Variants in RP2 observed in about 807,000 individuals in gnomAD.
The protein encoded by RP2 is protein XRP2.
Under a neutral mutation model 20.3 loss-of-function variants are expected in RP2, and 3 were observed. The observed-to-expected ratio is 0.15, with a 90% CI of 0.07 to 0.38. RP2 has a LOEUF of 0.38. RP2 is among the 10% of genes least tolerant of loss of function. The pLI is 1.00. For synonymous variants in RP2, 75 were observed against 94.8 expected (o/e 0.79, Z 1.22); for missense variants, 233 against 268.5 (o/e 0.87, Z 0.92).
At chrX:46,848,090 C>T (rs1283810529) in intron 1 of RP2, among the ~76,000 whole-genome samples, 2 of 107,225 alleles carry the variant, frequency 1.9e-5, no homozygotes, top group African/African-American at 6.8e-5. Flanking sequence ...TTATAGAGCA[C>T]TTAGTATGGT....
intron 1 of RP2, among the ~76,000 whole-genome samples, chrX:46,843,303 G>A (rs1924658967): frequency 9.0e-6 from 1 of 111,496 alleles, no homozygotes; most frequent in Non-Finnish European, 1.9e-5. Flanking sequence ...CACCGCGACT[G>A]GCCTATGTTT....
Position 46,837,123 on chromosome X carries a change from G to A in RP2, c.23G>A (p.Arg8Lys). The A allele has an allele frequency of 8.6e-7, 1 of 1,169,586 alleles. No individual in the cohort carries two copies. The highest frequency in any genetic ancestry group is 1.1e-6 in the Non-Finnish European group (1 of 873,905). Residue 8 changes from arginine (R) to lysine (K), a missense_variant, in exon 1 of 5, where the codon AGA becomes AAA. Arg to Lys is a conservative substitution (Grantham distance 26). Transcript: ENST00000218340. MGCFFSK[R>K]RKADKESRPE... The stretch of plus-strand genomic sequence containing the variant: ...ACCATGGGCTGCTTCTTCTCCAAGA[G>A]ACGGAAGGCTGACAAGGAGTCGCGG...
chrX:46,856,900 CTTATATA>C (rs781788559), intron 2 of RP2, among the ~76,000 whole-genome samples: 93 of 111,901 alleles, frequency 8.3e-4, no homozygotes, highest in Middle Eastern at 4.6e-3. Flanking sequence ...AGACAAAAGA[CTTATATA>C]TTATATTGAG....
chrX:46,855,551 T>C (rs1353220966), intron 2 of RP2, among the ~76,000 whole-genome samples: 1 of 110,805 alleles, frequency 9.0e-6, no homozygotes, highest in Non-Finnish European at 1.9e-5. Flanking sequence ...CACTGCAACC[T>C]CTGCCTCCCG....
At position 46,880,482 on chromosome X, in the gene RP2, TCTG is replaced by T. The variant is rs1286722953; in HGVS notation, c.*716_*718del. 8.9e-6 allele frequency: 1 copy of T among 111,890 alleles called. No individual in the cohort carries two copies. The highest frequency in any genetic ancestry group is 1.9e-5 in the Non-Finnish European group (1 of 53,100). 9.2% of individuals were successfully genotyped at this position (111,890 alleles called of 1,213,427 possible). A position where few individuals can be genotyped will look rare whatever the true frequency, so the allele number is the denominator to read the frequency against. On this transcript the variant is annotated 3_prime_UTR_variant, in exon 5 of 5. Transcript: ENST00000218340. ...TTTAATACAACTGCTATATGACTCT[TCTG>T]CTTCCTGATAAGAAAAGGTATATGC... is the stretch of plus-strand genomic sequence containing the variant.
chrX:46,844,192 ATTATAC>A (rs1569531167), intron 1 of RP2, among the ~76,000 whole-genome samples: 1 of 111,657 alleles, frequency 9.0e-6, no homozygotes, highest in African/African-American at 3.3e-5. Flanking sequence ...AAATTTTTTT[ATTATAC>A]TTTAAGTTGT....
intron 3 of RP2, among the ~76,000 whole-genome samples, chrX:46,868,048 T>C (rs1925206230): frequency 8.9e-6 from 1 of 112,164 alleles, no homozygotes; most frequent in Non-Finnish European, 1.9e-5. Context: ...GTTGTAGTTC[T>C]ATTTTTAGTT....
intron 3 of RP2, among the ~76,000 whole-genome samples, chrX:46,861,951 A>G (rs1234242392): frequency 1.8e-5 from 2 of 112,594 alleles, no homozygotes; most frequent in Non-Finnish European, 3.7e-5. Context: ...TTTATGGAAT[A>G]TTGTGAGCTA....
At position 46,879,858 on chromosome X, in the gene RP2, G is replaced by C; in HGVS notation, c.*89G>C. The C allele has an allele frequency of 1.9e-6, 1 of 518,776 alleles. No homozygotes were observed. Among genetic ancestry groups the C allele is most frequent in the Non-Finnish European group, 3.2e-6 (1 of 312,602 alleles). The allele number at this position is 518,776 out of a possible 1,213,427, so 42.8% of individuals were successfully genotyped here. On this transcript the variant is annotated 3_prime_UTR_variant, in exon 5 of 5. Transcript: ENST00000218340. ...AATACACTTTTGTGTATTAGCAATG[G>C]TTTTTACTAATGCTAAAACTTTTAA...
chrX:46,847,929 CATATATAT>C (rs10533014), intron 1 of RP2, among the ~76,000 whole-genome samples: 26 of 82,364 alleles, frequency 3.2e-4, no homozygotes, highest in South Asian at 1.4e-3. Flanking sequence ...TGTGTATATA[CATATATAT>C]ATATATATAT....
At chrX:46,838,511 A>G (rs1344242840) in intron 1 of RP2, among the ~76,000 whole-genome samples, 1 of 112,960 alleles carries the variant, frequency 8.9e-6, no homozygotes, top group African/African-American at 3.2e-5. Flanking sequence ...CTTTCTAACA[A>G]TGTTCTTTTA....
At chrX:46,872,985 T>C (rs1925318440) in intron 3 of RP2, among the ~76,000 whole-genome samples, 1 of 111,586 alleles carries the variant, frequency 9.0e-6, no homozygotes, top group Non-Finnish European at 1.9e-5. Context: ...GCGATCTGCC[T>C]GCCTCAGCCT....
chrX:46,865,291 T>A (rs1182602048), intron 3 of RP2, among the ~76,000 whole-genome samples: 1 of 112,283 alleles, frequency 8.9e-6, no homozygotes, highest in Non-Finnish European at 1.9e-5. Flanking sequence ...TTCTTCAGTC[T>A]TCCTTGTTTC....
intron 1 of RP2, among the ~76,000 whole-genome samples, chrX:46,837,472 C>A (rs782027888): frequency 9.0e-6 from 1 of 111,587 alleles, no homozygotes; most frequent in Non-Finnish European, 1.9e-5. Context: ...TCTCTGACTC[C>A]GAACCCTGCC....
intron 3 of RP2, among the ~76,000 whole-genome samples, chrX:46,867,292 C>T (rs1421124729): frequency 8.0e-5 from 9 of 111,904 alleles, no homozygotes; most frequent in African/African-American, 2.6e-4. Context: ...GTAGAGATGG[C>T]GTTTCACCAT....
chrX:46,864,440 G>A (rs1925131355), intron 3 of RP2, among the ~76,000 whole-genome samples: 1 of 106,138 alleles, frequency 9.4e-6, no homozygotes, highest in Non-Finnish European at 1.9e-5. Context: ...CCTGTCTTCG[G>A]GGCTCAAGCA....
chrX:46,858,641 T>A (rs782658423), intron 2 of RP2, among the ~76,000 whole-genome samples: 23 of 109,732 alleles, frequency 2.1e-4, no homozygotes, highest in African/African-American at 5.4e-4. Context: ...TGGCTAATTT[T>A]AAATTTTTTT....
intron 3 of RP2, among the ~76,000 whole-genome samples, chrX:46,861,529 T>C (rs1302765219): frequency 3.6e-5 from 4 of 111,216 alleles, no homozygotes; most frequent in Non-Finnish European, 7.5e-5. Flanking sequence ...ATGGGCCAAA[T>C]TTGGGACAAT....
intron 1 of RP2, among the ~76,000 whole-genome samples, chrX:46,850,769 A>T (rs934082200): frequency 7.2e-5 from 8 of 111,537 alleles, no homozygotes; most frequent in Non-Finnish European, 9.4e-5. Context: ...CCCCTCCAAA[A>T]TATTCTCAGC....
Sources: allele counts gnomAD v4.1 joint callset (sites outside exome capture counted in the v4.1 genomes callset), GRCh38; gene constraint gnomAD v4.1.1; transcripts MANE v1.5; gene names NCBI Gene and HGNC (gene_info 2026-07-23, HGNC 2026-07-21).